Variants in NF1 observed in about 807,000 individuals in gnomAD.
NF1 encodes the protein neurofibromin 1.
In NF1, 122 loss-of-function variants were observed where a neutral mutation model predicts 325.7. That is an observed-to-expected ratio of 0.37 (90% CI 0.32 to 0.44). The LOEUF (loss-of-function observed/expected upper bound fraction) is 0.44, where lower values mean the gene tolerates loss of function less well. Ranked by LOEUF, NF1 falls within the 20% of genes least tolerant of loss-of-function variation. The pLI is 1.00. For missense variants in NF1, 2,140 were observed against 3,415.4 expected (o/e 0.63, Z 9.31); for synonymous variants, 1,091 against 1,186.0 (o/e 0.92, Z 1.65).
intron 13 of NF1, among the ~76,000 whole-genome samples, chr17:31,218,603 G>T (rs1466459644): frequency 6.8e-6 from 1 of 147,888 alleles, no homozygotes; most frequent in African/African-American, 2.5e-5. Flanking sequence ...ATGGAGTCTC[G>T]CTCTGCCACC....
At chr17:31,249,223 A>G in intron 30 of NF1, 104 bp downstream of exon 30, 1 of 1,290,146 alleles carries the variant, frequency 7.8e-7, no homozygotes, top group Non-Finnish European at 1.1e-6. Flanking sequence ...GTTAACTATA[A>G]TACTGAGTCA....
At chr17:31,181,358 GCT>G in intron 5 of NF1, 62 bp from the exon 6 acceptor site, 2 of 1,416,338 alleles carry the variant, frequency 1.4e-6, no homozygotes, top group Non-Finnish European at 2.0e-6. Context: ...AAGTTATTTT[GCT>G]CTGAGTTGTA....
intron 3 of NF1, 121 bp from the exon 4 acceptor site, chr17:31,163,065 G>T: frequency 1.2e-6 from 1 of 823,602 alleles, no homozygotes; most frequent in Non-Finnish European, 2.0e-6. Context: ...GTTAAATCTA[G>T]GTGGTGTGTA....
At chr17:31,241,540 T>C (rs2067297243) in intron 29 of NF1, among the ~76,000 whole-genome samples, 1 of 152,210 alleles carries the variant, frequency 6.6e-6, no homozygotes, top group Admixed American at 6.5e-5. Flanking sequence ...GAGGTTACCA[T>C]GAGGCTTGCC....
chr17:31,288,513 T>C (rs1168764543), intron 36 of NF1, among the ~76,000 whole-genome samples: 1 of 127,918 alleles, frequency 7.8e-6, no homozygotes, highest in Non-Finnish European at 1.5e-5. Context: ...AACTAGTTTT[T>C]TTTGCTTTGT....
At position 31,342,896 on chromosome 17, in the gene NF1, T is replaced by C. The variant is rs924936931; in HGVS notation, c.7063-113T>C. On this transcript the variant is annotated intron_variant, in intron 47 of 57. Transcript: ENST00000358273. ...TGCAGTCAACTGAAAATAATTTCTC[T>C]CAAATTGAAAGGATTACTTATCTTG... 22 of 1,351,488 alleles carry C rather than the reference T, an allele frequency of 1.6e-5. No individual in the cohort carries two copies. The African/African-American group carries it at 3.2e-4, about 19-fold the overall frequency. The allele number at this position is 1,351,488 out of a possible 1,614,324, so 83.7% of individuals were successfully genotyped here. A position where few individuals can be genotyped will look rare whatever the true frequency, so the allele number is the denominator to read the frequency against.
At chr17:31,142,799 G>A (rs1352543072) in intron 1 of NF1, among the ~76,000 whole-genome samples, 10 of 151,958 alleles carry the variant, frequency 6.6e-5, no homozygotes, top group Admixed American at 1.3e-4. Flanking sequence ...CCCGGGAGGC[G>A]GAGCTTGCAG....
chr17:31,219,634 T>TC (rs1376927255), intron 14 of NF1, among the ~76,000 whole-genome samples: 4 of 57,060 alleles, frequency 7.0e-5, no homozygotes, highest in Admixed American at 2.1e-4. Flanking sequence ...CCCTCCCCCC[T>TC]CCCCCCTAAG....
At chr17:31,241,146 G>C (rs538291801) in intron 29 of NF1, among the ~76,000 whole-genome samples, 1 of 152,290 alleles carries the variant, frequency 6.6e-6, no homozygotes, top group African/African-American at 2.4e-5. Flanking sequence ...CCAAAGTGCT[G>C]AGATTACAGG....
At chr17:31,273,154 A>G (rs1372576491) in intron 36 of NF1, among the ~76,000 whole-genome samples, 5 of 152,238 alleles carry the variant, frequency 3.3e-5, no homozygotes, top group Non-Finnish European at 7.3e-5. Flanking sequence ...AAATAATGAA[A>G]TAAATATTGG....
At chr17:31,258,606 G>C in intron 32 of NF1, 104 bp downstream of exon 32, 1 of 1,216,864 alleles carries the variant, frequency 8.2e-7, no homozygotes, top group Non-Finnish European at 1.2e-6. Flanking sequence ...AATACCCTAT[G>C]GTTTTCAGTT....
In NF1 at chr17:31,169,996, G is replaced by A. The variant is rs918734204; in HGVS notation, c.585G>A (p.Lys195=). ...VDCAKLKRLL[K]ETAFKFKALK... is the part of the protein sequence containing the mutation. ...GTGCAAAATTAAAACGACTCCTGAA[G>A]GGTAAGTTTAAATGTATAATATATC... The change falls in exon 5 of 58, where the codon AAG becomes AAA. Residue 195 remains lysine, a splice_region_variant and synonymous_variant. Transcript: ENST00000358273. The A allele has an allele frequency of 1.9e-5, 30 of 1,594,296 alleles. No homozygotes were observed. The highest frequency in any genetic ancestry group is 2.6e-5 in the Non-Finnish European group (30 of 1,163,048).
chr17:31,301,228 T>C (rs2068567491), intron 36 of NF1, among the ~76,000 whole-genome samples: 1 of 152,034 alleles, frequency 6.6e-6, no homozygotes, highest in Admixed American at 6.6e-5. Flanking sequence ...GCTAGGAAGG[T>C]TTTTTCCCGC....
intron 36 of NF1, chr17:31,307,826 G>A (rs1311551694): frequency 8.9e-7 from 1 of 1,125,308 alleles, no homozygotes. Context: ...TGACTCATAA[G>A]CCTATATTTA....
intron 1 of NF1, chr17:31,136,837 G>GTA (rs1462370648): frequency 2.0e-5 from 3 of 152,068 alleles, no homozygotes; most frequent in African/African-American, 7.2e-5. Context: ...AAAAAACATA[G>GTA]TATATATATA....
chr17:31,334,786 G>A (rs2069598901), intron 39 of NF1, 52 bp from the exon 40 acceptor site: 1 of 1,382,786 alleles, frequency 7.2e-7, no homozygotes, highest in South Asian at 1.2e-5. Flanking sequence ...TTAAATAATT[G>A]TTGATGTGAT....
rs587782213 is a variant in NF1, at chr17:31,325,843, G to A, written c.4859G>A (p.Gly1620Asp). ...AGGTTCAAAACTGGTCAAATCAATG[G>A]TGATTTGCTGATATACCATGTCTTA... is the stretch of plus-strand genomic sequence containing the variant. ...ARRFKTGQIN[G>D]DLLIYHVLLT... Residue 1620 changes from glycine (G) to aspartate (D), a missense_variant, in exon 37 of 58, where the codon GGT becomes GAT. Transcript: ENST00000358273. 1 of 1,613,764 alleles carries A rather than the reference G, an allele frequency of 6.2e-7. No individual in the cohort carries two copies. The highest frequency in any genetic ancestry group is 1.3e-5 in the African/African-American group (1 of 74,850).
chr17:31,202,944 T>C (rs531503801), intron 11 of NF1, among the ~76,000 whole-genome samples: 1 of 152,344 alleles, frequency 6.6e-6, no homozygotes, highest in Admixed American at 6.5e-5. Context: ...ATTGCTTTTT[T>C]CCGCTGTGGC....
chr17:31,196,956 A>C (rs559169052), intron 8 of NF1, among the ~76,000 whole-genome samples: 2 of 152,318 alleles, frequency 1.3e-5, no homozygotes, highest in South Asian at 4.1e-4. Context: ...TTCAAATAAG[A>C]AAGTGTGAGT....
Sources: allele counts gnomAD v4.1 joint callset (sites outside exome capture counted in the v4.1 genomes callset), GRCh38; gene constraint gnomAD v4.1.1; transcripts MANE v1.5; gene names NCBI Gene and HGNC (gene_info 2026-07-23, HGNC 2026-07-21).